Variants in FMNL3 observed in about 807,000 individuals in gnomAD.
FMNL3 encodes formin-like protein 3.
FMNL3 carries 57 observed loss-of-function variants against 119.6 expected under a neutral mutation model. The ratio of observed to expected loss-of-function variants is 0.48; its 90% CI spans 0.39 to 0.59. The LOEUF (loss-of-function observed/expected upper bound fraction) is 0.59. Among genes scored for constraint, FMNL3 ranks in the 20% least tolerant of loss-of-function variants. FMNL3 has a pLI of 0.00. For synonymous variants in FMNL3, 491 were observed against 507.3 expected (o/e 0.97, Z 0.43); for missense variants, 1,053 against 1,323.5 (o/e 0.80, Z 3.17).
In FMNL3 at chr12:49,645,637, G is replaced by A. The variant is rs1943150125; in HGVS notation, c.*178C>T. 2 of 568,728 alleles carry A rather than the reference G, an allele frequency of 3.5e-6. No homozygotes were observed. Among genetic ancestry groups the A allele is most frequent in the African/African-American group, 3.9e-5 (2 of 50,928 alleles). The allele number at this position is 568,728 out of a possible 1,614,324, so 35.2% of individuals were successfully genotyped here. ...GCAAAGTGCAGTACTGGAAGCACCA[G>A]GGACCTACAGACCTAGTGCCCATAG... On this transcript the variant is annotated 3_prime_UTR_variant, in exon 26 of 26. Transcript: ENST00000335154.
intron 17 of FMNL3, among the ~76,000 whole-genome samples, chr12:49,650,142 T>C (rs1592641694): frequency 6.6e-6 from 1 of 152,180 alleles, no homozygotes; most frequent in South Asian, 2.1e-4. Flanking sequence ...GTACTCCCAC[T>C]GTACCTAGGG....
At position 49,642,037 on chromosome 12, in the gene FMNL3, G is replaced by T; in HGVS notation, c.*3778C>A. The T allele has an allele frequency of 6.2e-7, 1 of 1,610,588 alleles. No homozygotes were observed. The stretch of plus-strand genomic sequence containing the variant: ...GACCTTCAATAGTGTGAGGGGCTGG[G>T]CGGGGCGTGGGAAGTTCTCTAATTC... On this transcript the variant is annotated 3_prime_UTR_variant, in exon 26 of 26. Transcript: ENST00000335154. This position sits in a 1 kb window ranked among gnomAD's most constrained non-coding sequence, Gnocchi z 5.8.
chr12:49,656,548 C>A lies in FMNL3; in HGVS notation c.792-51G>T, dbSNP rs533530534. The A allele has an allele frequency of 7.2e-5, 108 of 1,506,576 alleles. 1 individual carries two copies. The highest frequency in any genetic ancestry group is 9.6e-5 in the Non-Finnish European group (105 of 1,090,150). 93.3% of individuals were successfully genotyped at this position (1,506,576 alleles called of 1,614,324 possible). On this transcript the variant is annotated intron_variant, in intron 8 of 25. Transcript: ENST00000335154. ...CACCCTAACTCCCCATCCTGACAACCACACAGCTCATTTCCCTGACTGGGT... is the reference window on the plus strand; with the variant it reads ...CACCCTAACTCCCCATCCTGACAACAACACAGCTCATTTCCCTGACTGGGT...
chr12:49,693,512 G>C (rs1944663569), intron 1 of FMNL3, among the ~76,000 whole-genome samples: 1 of 151,554 alleles, frequency 6.6e-6, no homozygotes, highest in South Asian at 2.1e-4. Flanking sequence ...CCAGTAGCTG[G>C]GACTATAAGC....
chr12:49,652,081 G>A lies in FMNL3; in HGVS notation c.1455C>T (p.Ala485=), dbSNP rs1487583648. The change falls in exon 14 of 26, where the codon GCC becomes GCT. Residue 485 remains alanine (A), a synonymous_variant. Transcript: ENST00000335154. ...GCTCTGCAGGGCCTACTCTGGCCAGGGCCTCACTGTCCACAGACTCCAGGC... is the reference window on the plus strand; with the variant it reads ...GCTCTGCAGGGCCTACTCTGGCCAGAGCCTCACTGTCCACAGACTCCAGGC... The part of the protein sequence containing the change: ...VRGLESVDSE[A]LARVGPAELS... 1.9e-6 allele frequency: 3 copies of A among 1,612,640 alleles called. No homozygotes were observed. The highest frequency in any genetic ancestry group is 3.3e-5 in the Admixed American group (2 of 59,840).
At chr12:49,692,284 C>G (rs924891012) in intron 1 of FMNL3, among the ~76,000 whole-genome samples, 1 of 151,656 alleles carries the variant, frequency 6.6e-6, no homozygotes, top group Admixed American at 6.6e-5. Flanking sequence ...AGACTGTGAT[C>G]ACACTACTGC....
At chr12:49,671,009 G>A (rs1944030076) in intron 1 of FMNL3, among the ~76,000 whole-genome samples, 1 of 152,214 alleles carries the variant, frequency 6.6e-6, no homozygotes. Flanking sequence ...TCCTAAGTCT[G>A]TGCCATGAAA....
Position 49,656,465 on chromosome 12 carries a change from G to A in FMNL3, c.824C>T (p.Ala275Val). The part of the protein sequence containing the change: ...TKALVLELLA[A>V]VCLVRGGHEI... ...GTGACCTCCTCGCACCAAACACACA[G>A]CTGCCAGAAGCTCTAAGACAAGGGC... Residue 275 changes from alanine to valine, a missense_variant, in exon 9 of 26, where the codon GCT becomes GTT. Ala to Val is a moderately conservative substitution (Grantham distance 64, BLOSUM62 0). Around this residue, in one of 4 missense-constraint regions of FMNL3, gnomAD observed 445 missense variants for 628.4 expected, o/e 0.71. Transcript: ENST00000335154. The A allele has an allele frequency of 6.2e-7, 1 of 1,614,122 alleles. No individual in the cohort carries two copies. The highest frequency in any genetic ancestry group is 8.5e-7 in the Non-Finnish European group (1 of 1,179,986).
At chr12:49,690,131 T>C (rs1331725033) in intron 1 of FMNL3, among the ~76,000 whole-genome samples, 1 of 152,050 alleles carries the variant, frequency 6.6e-6, no homozygotes, top group Non-Finnish European at 1.5e-5. Flanking sequence ...CAGCACAGAG[T>C]CTCACAGACA....
At chr12:49,675,462 G>A (rs1353772471) in intron 1 of FMNL3, among the ~76,000 whole-genome samples, 2 of 152,206 alleles carry the variant, frequency 1.3e-5, no homozygotes, top group African/African-American at 4.8e-5. Flanking sequence ...TCTTCATGAG[G>A]TTCTGTCCTC....
At chr12:49,666,807 T>G (rs977058019) in intron 2 of FMNL3, among the ~76,000 whole-genome samples, 1 of 151,342 alleles carries the variant, frequency 6.6e-6, no homozygotes, top group African/African-American at 2.4e-5. Context: ...AAAAAAAAAA[T>G]TAAAAAAAGA....
At chr12:49,700,341 G>A (rs1490570427) in intron 1 of FMNL3, among the ~76,000 whole-genome samples, 2 of 144,384 alleles carry the variant, frequency 1.4e-5, no homozygotes, top group East Asian at 2.0e-4. Context: ...GTAGTGAGCC[G>A]AGATCGAGCC....
chr12:49,645,839 G>C lies in FMNL3; in HGVS notation c.3060C>G (p.Pro1020=). ...CTCAGTGGGGGCCTGGAGCCCGAGGGGGACCACTGGGCGGTGCAGCACTCC... is the reference window on the plus strand; with the variant it reads ...CTCAGTGGGGGCCTGGAGCCCGAGGCGGACCACTGGGCGGTGCAGCACTCC... ...QARSAAPPSG[P]PRAPGPH is the part of the protein sequence containing the mutation. Residue 1020 remains proline, a synonymous_variant, in exon 26 of 26, where the codon CCC becomes CCG. Coordinates refer to ENST00000335154, the MANE Select transcript of FMNL3 (RefSeq NM_175736.5). The C allele has an allele frequency of 6.2e-7, 1 of 1,603,018 alleles. No homozygotes were observed. Among genetic ancestry groups the C allele is most frequent in the Non-Finnish European group, 8.5e-7 (1 of 1,176,260 alleles).
chr12:49,690,688 G>T (rs1355195444), intron 1 of FMNL3, among the ~76,000 whole-genome samples: 1 of 152,152 alleles, frequency 6.6e-6, no homozygotes, highest in Non-Finnish European at 1.5e-5. Context: ...GAACTTGTTC[G>T]GTAAACTTTC....
intron 1 of FMNL3, among the ~76,000 whole-genome samples, chr12:49,682,613 T>A (rs575252396): frequency 6.6e-6 from 1 of 152,312 alleles, no homozygotes; most frequent in South Asian, 2.1e-4. Flanking sequence ...TCCCAAAACA[T>A]TGAAATCACA....
rs1357206131 is a variant in FMNL3, at chr12:49,658,422, CA to C, written c.605+19del. ...AAGGGTAGGGTGGGAGGCAGGTGGG[CA>C]GAGCAAAAGCACACATACCGGAGCA... On this transcript the variant is annotated intron_variant, in intron 6 of 25. Transcript: ENST00000335154. 3.2e-6 allele frequency: 5 copies of C among 1,570,140 alleles called. No individual in the cohort carries two copies. Among genetic ancestry groups the C allele is most frequent in the Non-Finnish European group, 4.3e-6 (5 of 1,153,920 alleles).
At chr12:49,657,007 T>C in intron 7 of FMNL3, 75 bp downstream of exon 7, 20 of 1,551,528 alleles carry the variant, frequency 1.3e-5, no homozygotes, top group Non-Finnish European at 1.8e-5. Context: ...TATAAGCTGA[T>C]GCCCTCCTAG....
In FMNL3 at chr12:49,707,028, G is replaced by A. The variant is rs1391234295; in HGVS notation, c.126+27C>T. Reference sequence around the variant, plus strand: ...GTCGGGACCTGAGGGGCGGTACGCGGGGGAAGGGGCTGGGCTCAGCTCTCA... The same window carrying A: ...GTCGGGACCTGAGGGGCGGTACGCGAGGGAAGGGGCTGGGCTCAGCTCTCA... On this transcript the variant is annotated intron_variant, in intron 1 of 25. Coordinates refer to ENST00000335154, the MANE Select transcript of FMNL3 (RefSeq NM_175736.5). 5 of 1,560,646 alleles carry A rather than the reference G, an allele frequency of 3.2e-6. No homozygotes were observed. The Admixed American group carries it at 7.8e-5, about 24-fold the overall frequency.
intron 1 of FMNL3, among the ~76,000 whole-genome samples, chr12:49,685,871 A>G (rs912744372): frequency 6.6e-6 from 1 of 152,110 alleles, no homozygotes; most frequent in Admixed American, 6.5e-5. Flanking sequence ...ATTTAAGACC[A>G]GCGTGGCCAA....
Sources: allele counts gnomAD v4.1 joint callset (sites outside exome capture counted in the v4.1 genomes callset), GRCh38; gene constraint gnomAD v4.1.1; regional missense constraint gnomAD v4.1.1; non-coding constraint Gnocchi (gnomAD v3.1); transcripts MANE v1.5; gene names NCBI Gene and HGNC (gene_info 2026-07-23, HGNC 2026-07-21).